LRP2: variants seen among roughly 807,000 people sequenced by gnomAD.
The protein encoded by LRP2 is low-density lipoprotein receptor-related protein 2.
Under a neutral mutation model 531.0 loss-of-function variants are expected in LRP2, and 172 were observed. The ratio of observed to expected loss-of-function variants is 0.32; its 90% CI spans 0.29 to 0.37. LRP2 has a LOEUF of 0.37. LRP2 is among the 10% of genes least tolerant of loss of function. LRP2 has a pLI of 1.00. For missense variants in LRP2, 5,167 were observed against 5,868.3 expected, an observed-to-expected ratio of 0.88 and a Z score of 3.90; for synonymous variants, 1,992 against 2,027.6, an observed-to-expected ratio of 0.98 and a Z score of 0.47.
Position 169,176,417 on chromosome 2 carries a change from T to C in LRP2, c.10565A>G (p.Asn3522Ser), listed in dbSNP as rs772424420. The C allele has an allele frequency of 6.2e-7, 1 of 1,614,146 alleles. No individual in the cohort carries two copies. The highest frequency in any genetic ancestry group is 8.5e-7 in the Non-Finnish European group (1 of 1,180,020). Residue 3522 changes from asparagine (N) to serine (S), a missense_variant, in exon 54 of 79, where the codon AAT becomes AGT. Asn to Ser is a conservative substitution (Grantham distance 46). Coordinates refer to ENST00000649046, the MANE Select transcript of LRP2 (RefSeq NM_004525.3). ...AGGGGAAAGAGAGCCTTACTTTTCA[T>C]TGTTAGCGCACAGGAACTGGGTGCT... ...CSSTQFLCANNEKCIPIWWKC... is the reference protein window; with the variant it reads ...CSSTQFLCANSEKCIPIWWKC...
intron 77 of LRP2, among the ~76,000 whole-genome samples, chr2:169,131,727 C>T (rs1355810113): frequency 6.6e-6 from 1 of 152,094 alleles, no homozygotes; most frequent in Admixed American, 6.5e-5. Context: ...GTGCATAGGA[C>T]AGTTTTGTAG....
At chr2:169,187,931 TC>T (rs772193966) in intron 49 of LRP2, 38 bp downstream of exon 49, 2 of 1,604,676 alleles carry the variant, frequency 1.2e-6, no homozygotes, top group Admixed American at 3.3e-5. Flanking sequence ...ATATTCAGTC[TC>T]CCCTGTTTCC....
chr2:169,281,674 C>A (rs747189553), intron 10 of LRP2, among the ~76,000 whole-genome samples: 1 of 145,832 alleles, frequency 6.9e-6, no homozygotes, highest in African/African-American at 2.5e-5. Context: ...GCCAAGATGG[C>A]GCCACTGCAC....
chr2:169,174,084 T>G lies in LRP2; in HGVS notation c.10849A>C (p.Asn3617His). The G allele has an allele frequency of 6.2e-7, 1 of 1,614,246 alleles. No homozygotes were observed. Among genetic ancestry groups the G allele is most frequent in the Non-Finnish European group, 8.5e-7 (1 of 1,180,044 alleles). ...TCATCTGAGTTATCCTCACAGTCGT[T>G]AAATGTGTCACACTGCCAGGATTCT... ...IPESWQCDTF[N>H]DCEDNSDEDS... Residue 3617 changes from asparagine (N) to histidine (H), a missense_variant, in exon 56 of 79, where the codon AAC becomes CAC. Around this residue, in one of 6 missense-constraint regions of LRP2, gnomAD observed 311 missense variants for 309.4 expected, o/e 1.01. Transcript: ENST00000649046.
chr2:169,196,971 G>A lies in LRP2; in HGVS notation c.8638C>T (p.His2880Tyr), dbSNP rs780954319. 9.3e-6 allele frequency: 15 copies of A among 1,614,150 alleles called. No individual in the cohort carries two copies. The highest frequency in any genetic ancestry group is 2.2e-5 in the East Asian group (1 of 44,884). The change falls in exon 46 of 79, where the codon CAT (histidine) becomes TAT (tyrosine). Residue 2880 changes from histidine (H) to tyrosine (Y), a missense_variant. Physicochemically the swap from His to Tyr is moderately conservative, Grantham distance 83 (BLOSUM62 2). Coordinates refer to ENST00000649046, the MANE Select transcript of LRP2 (RefSeq NM_004525.3). ...TCTGTTTCTTGATCACAATACCAAT[G>A]TTGAGGAATACAGCGCCCAGATGCG... ...QCASGRCIPQHWYCDQETDCF... is the reference protein window; with the variant it reads ...QCASGRCIPQYWYCDQETDCF...
chr2:169,292,860 T>G (rs1439496132), intron 6 of LRP2, among the ~76,000 whole-genome samples: 2 of 123,410 alleles, frequency 1.6e-5, no homozygotes, highest in African/African-American at 5.9e-5. Context: ...AAAAAAAAAT[T>G]AAAAACAAGA....
chr2:169,265,523 TCATATC>T (rs1343862849), intron 16 of LRP2, among the ~76,000 whole-genome samples: 1 of 152,088 alleles, frequency 6.6e-6, no homozygotes, highest in Non-Finnish European at 1.5e-5. Flanking sequence ...ATTTTTAATG[TCATATC>T]CATATCCATA....
intron 25 of LRP2, chr2:169,240,638 A>T: frequency 4.4e-6 from 2 of 457,898 alleles, no homozygotes; most frequent in African/African-American, 1.9e-5. Context: ...TTTTGTGATA[A>T]GTTCTGATTG....
chr2:169,288,431 A>G (rs546812579), intron 9 of LRP2, among the ~76,000 whole-genome samples: 1 of 152,356 alleles, frequency 6.6e-6, no homozygotes, highest in South Asian at 2.1e-4. Context: ...ACCATGATAA[A>G]GAATCTGCTC....
chr2:169,320,709 C>G, intron 2 of LRP2, 68 bp downstream of exon 2: 3 of 1,292,770 alleles, frequency 2.3e-6, no homozygotes, highest in Non-Finnish European at 3.4e-6. Flanking sequence ...CTCTTTGTTA[C>G]AGCTGAAATC....
intron 1 of LRP2, among the ~76,000 whole-genome samples, chr2:169,360,811 A>G (rs1362825062): frequency 6.6e-6 from 1 of 152,136 alleles, no homozygotes; most frequent in Non-Finnish European, 1.5e-5. Flanking sequence ...GGGTTTCCAA[A>G]CTTCTTCCCA....
At chr2:169,167,140 G>A (rs563929830) in intron 61 of LRP2, among the ~76,000 whole-genome samples, 1 of 152,212 alleles carries the variant, frequency 6.6e-6, no homozygotes, top group African/African-American at 2.4e-5. Context: ...ACCTTATGGA[G>A]AGAAGAGATT....
intron 12 of LRP2, 122 bp downstream of exon 12, chr2:169,279,250 T>C (rs976068480): frequency 3.6e-5 from 27 of 746,114 alleles, no homozygotes; most frequent in Non-Finnish European, 5.4e-5. Context: ...ACATGGCTTC[T>C]AGAGTATACA....
intron 76 of LRP2, among the ~76,000 whole-genome samples, chr2:169,133,906 C>T (rs1247808900): frequency 1.3e-5 from 2 of 152,188 alleles, no homozygotes; most frequent in Admixed American, 6.5e-5. Context: ...TGTACTGCTG[C>T]AAAGCTTCAC....
In LRP2 at chr2:169,181,601, T is replaced by C. The variant is rs766980093; in HGVS notation, c.10016A>G (p.Asp3339Gly). The change falls in exon 52 of 79, where the codon GAC becomes GGC. Residue 3339 changes from aspartate to glycine, a missense_variant. Coordinates refer to ENST00000649046, the MANE Select transcript of LRP2 (RefSeq NM_004525.3). ...HPQYGYLYWA[D>G]WGHRAYIGRV... is the part of the protein sequence containing the mutation. ...CCCAATGTATGCGCGGTGACCCCAG[T>C]CTGCCCAGTAGAGGTACCTGTCAGG... 4 of 1,613,984 alleles carry C rather than the reference T, an allele frequency of 2.5e-6. No individual in the cohort carries two copies. The highest frequency in any genetic ancestry group is 1.7e-5 in the Admixed American group (1 of 59,990).
chr2:169,217,787 T>A (rs1188038558), intron 34 of LRP2, among the ~76,000 whole-genome samples: 1 of 152,166 alleles, frequency 6.6e-6, no homozygotes, highest in Non-Finnish European at 1.5e-5. Context: ...TCCTTCCCCA[T>A]AACTTTCACT....
In LRP2 at chr2:169,290,775, T is replaced by C. The variant is rs1200793942; in HGVS notation, c.922+70A>G. The stretch of plus-strand genomic sequence containing the variant: ...TGCAAATGCCAACAGATACACTGTA[T>C]TTGAACGTCTGTTCTAGAAAACAGA... On this transcript the variant is annotated intron_variant, in intron 8 of 78. Transcript: ENST00000649046. 5.3e-6 allele frequency: 8 copies of C among 1,520,396 alleles called. No individual in the cohort carries two copies. The Middle Eastern group carries it at 1.0e-3, about 194-fold the overall frequency. The allele number at this position is 1,520,396 out of a possible 1,614,324, so 94.2% of individuals were successfully genotyped here.
At chr2:169,272,604 A>G (rs112644598) in intron 15 of LRP2, among the ~76,000 whole-genome samples, 3 of 152,282 alleles carry the variant, frequency 2.0e-5, no homozygotes, top group South Asian at 2.1e-4. Flanking sequence ...TCAAAGTTCA[A>G]CCATATGGAA....
At chr2:169,165,674 C>T (rs1433963795) in intron 62 of LRP2, among the ~76,000 whole-genome samples, 1 of 152,178 alleles carries the variant, frequency 6.6e-6, no homozygotes, top group Non-Finnish European at 1.5e-5. Flanking sequence ...GAGGGGAAGG[C>T]TTATTAAATG....
Sources: allele counts gnomAD v4.1 joint callset (sites outside exome capture counted in the v4.1 genomes callset), GRCh38; gene constraint gnomAD v4.1.1; regional missense constraint gnomAD v4.1.1; transcripts MANE v1.5; gene names NCBI Gene and HGNC (gene_info 2026-07-23, HGNC 2026-07-21).